Variants in DDC observed in about 807,000 individuals in gnomAD.
DDC encodes the protein aromatic-L-amino-acid decarboxylase.
In DDC, 43 loss-of-function variants were observed where a neutral mutation model predicts 60.0. That is an observed-to-expected ratio of 0.72 (90% CI 0.56 to 0.92). DDC has a LOEUF of 0.92. Ranked by LOEUF, DDC falls within the 40% of genes least tolerant of loss-of-function variation. The pLI, the probability that DDC is intolerant of heterozygous loss-of-function variation, is 0.00. For synonymous variants in DDC, 232 were observed against 234.6 expected (o/e 0.99, Z 0.10); for missense variants, 573 against 620.2 (o/e 0.92, Z 0.81).
intron 6 of DDC, among the ~76,000 whole-genome samples, chr7:50,510,992 A>C (rs1210103678): frequency 6.7e-6 from 1 of 149,930 alleles, no homozygotes; most frequent in Non-Finnish European, 1.5e-5. Context: ...AAAAAAAAAA[A>C]AAAAAAAAAA....
chr7:50,546,731 C>T (rs543254942), intron 1 of DDC, among the ~76,000 whole-genome samples: 1 of 152,314 alleles, frequency 6.6e-6, no homozygotes, highest in East Asian at 1.9e-4. Flanking sequence ...TAGATCCAGC[C>T]CCCATGTTAA....
chr7:50,532,978 AT>A (rs889698809), intron 4 of DDC, among the ~76,000 whole-genome samples: 5 of 152,028 alleles, frequency 3.3e-5, no homozygotes, highest in African/African-American at 7.2e-5. Flanking sequence ...GTCCTCCAAA[AT>A]TTTTTTTATA....
intron 4 of DDC, 71 bp from the exon 5 acceptor site, chr7:50,529,413 A>C: frequency 6.4e-7 from 1 of 1,560,258 alleles, no homozygotes; most frequent in Admixed American, 1.7e-5. Flanking sequence ...CTATTGGAAG[A>C]CATATTGTTT....
At chr7:50,470,299 C>T in intron 11 of DDC, 128 bp from the exon 12 acceptor site, 2 of 746,578 alleles carry the variant, frequency 2.7e-6, no homozygotes, top group Admixed American at 1.9e-5. Flanking sequence ...GCTCCCATTG[C>T]CATGGCCTGT....
At chr7:50,515,732 G>T (rs993015087) in intron 6 of DDC, among the ~76,000 whole-genome samples, 1 of 152,114 alleles carries the variant, frequency 6.6e-6, no homozygotes, top group Non-Finnish European at 1.5e-5. Context: ...GGTGGAAAAA[G>T]GCATTTCATG....
intron 14 of DDC, 106 bp downstream of exon 14, chr7:50,463,107 C>T (rs900718754): frequency 1.9e-5 from 17 of 873,962 alleles, no homozygotes; most frequent in Admixed American, 1.6e-4. Context: ...TGCACTCTGG[C>T]AGCATTGAGT....
chr7:50,480,676 G>A (rs2042748266), intron 9 of DDC, among the ~76,000 whole-genome samples: 1 of 152,224 alleles, frequency 6.6e-6, no homozygotes, highest in South Asian at 2.1e-4. Context: ...TGTCTGCAGA[G>A]TTGGAGAATT....
chr7:50,513,736 C>G (rs569385053), intron 6 of DDC, among the ~76,000 whole-genome samples: 1 of 152,184 alleles, frequency 6.6e-6, no homozygotes, highest in East Asian at 1.9e-4. Context: ...CATGACTCAG[C>G]AGAGGCAGCC....
chr7:50,538,343 G>GGATCAAT (rs1693784875), intron 3 of DDC, among the ~76,000 whole-genome samples: 3 of 152,114 alleles, frequency 2.0e-5, no homozygotes, highest in Admixed American at 1.3e-4. Context: ...GTCACCCTCT[G>GGATCAAT]GGCATCCCGA....
At position 50,463,198 on chromosome 7, in the gene DDC, C is replaced by A; in HGVS notation, c.*18+15G>T. On this transcript the variant is annotated intron_variant, in intron 14 of 14. Coordinates refer to ENST00000444124, the MANE Select transcript of DDC (RefSeq NM_001082971.2). ...GACAAGGAGACAGGCAGAAAATGAG[C>A]CCAGGGCAGCCTACCTGCAGCTGGC... 3 of 1,575,652 alleles carry A rather than the reference C, an allele frequency of 1.9e-6. No individual in the cohort carries two copies. The highest frequency in any genetic ancestry group is 2.6e-6 in the Non-Finnish European group (3 of 1,160,352).
intron 1 of DDC, 133 bp from the exon 2 acceptor site, chr7:50,544,246 A>G: frequency 1.4e-6 from 1 of 714,470 alleles, no homozygotes; most frequent in South Asian, 1.5e-5. Context: ...ATCCCAAGTA[A>G]GGGGCGCTTT....
chr7:50,512,427 T>TG (rs2043605235), intron 6 of DDC, among the ~76,000 whole-genome samples: 1 of 152,202 alleles, frequency 6.6e-6, no homozygotes, highest in African/African-American at 2.4e-5. Flanking sequence ...TTTGAAACTC[T>TG]GGGGTCTATT....
intron 14 of DDC, among the ~76,000 whole-genome samples, chr7:50,462,587 C>T (rs192311645): frequency 6.3e-4 from 96 of 152,224 alleles, no homozygotes; most frequent in Non-Finnish European, 1.3e-3. Flanking sequence ...TAAAGGTCAC[C>T]AGTTTCTTAT....
chr7:50,529,719 C>T (rs548724858), intron 4 of DDC, among the ~76,000 whole-genome samples: 5 of 152,282 alleles, frequency 3.3e-5, no homozygotes, highest in Admixed American at 1.3e-4. Flanking sequence ...CCTGACTCTG[C>T]GTTCATATTC....
Position 50,495,481 on chromosome 7 carries a change from G to A in DDC, c.877-64C>T, listed in dbSNP as rs145657275. On this transcript the variant is annotated intron_variant, in intron 8 of 14. Transcript: ENST00000444124. ...TTTATAAATGTTTAATTATAAAGAA[G>A]ACCCCATACATGATAATAAAAGTTT... 7.3e-3 allele frequency: 9,247 copies of A among 1,264,832 alleles called. 53 individuals carry two copies. Among genetic ancestry groups the A allele is most frequent in the South Asian group, 9.4e-3 (751 of 80,032 alleles). 78.4% of individuals were successfully genotyped at this position (1,264,832 alleles called of 1,614,324 possible). A position where few individuals can be genotyped will look rare whatever the true frequency, so the allele number is the denominator to read the frequency against.
intron 9 of DDC, chr7:50,493,044 T>G (rs1413834293): frequency 6.5e-7 from 1 of 1,531,776 alleles, no homozygotes; most frequent in Non-Finnish European, 8.9e-7. Flanking sequence ...CTCCTTCTTA[T>G]CGTGTGTCAA....
At chr7:50,509,048 G>A (rs774885775) in intron 6 of DDC, among the ~76,000 whole-genome samples, 7 of 151,924 alleles carry the variant, frequency 4.6e-5, no homozygotes, top group African/African-American at 9.7e-5. Flanking sequence ...GTTTATTTGC[G>A]CCCTCTACCC....
chr7:50,501,037 A>G (rs3779084), intron 7 of DDC, among the ~76,000 whole-genome samples: 32,624 of 152,116 alleles, frequency 0.21, 3,653 homozygotes, highest in African/African-American at 0.22. Flanking sequence ...GGAACCAGGC[A>G]GACACAGAGA....
intron 14 of DDC, 113 bp downstream of exon 14, chr7:50,463,100 A>T (rs1417706661): frequency 1.2e-6 from 1 of 836,748 alleles, no homozygotes; most frequent in African/African-American, 1.7e-5. Flanking sequence ...AGGGAAATGC[A>T]CTCTGGCAGC....
Sources: allele counts gnomAD v4.1 joint callset (sites outside exome capture counted in the v4.1 genomes callset), GRCh38; gene constraint gnomAD v4.1.1; transcripts MANE v1.5; gene names NCBI Gene and HGNC (gene_info 2026-07-23, HGNC 2026-07-21).